NUP188: variants seen among roughly 807,000 people sequenced by gnomAD.
NUP188 encodes nucleoporin NUP188.
NUP188 carries 97 observed loss-of-function variants against 223.0 expected under a neutral mutation model. That is an observed-to-expected ratio of 0.43 (90% confidence interval 0.37 to 0.51). NUP188 has a LOEUF of 0.51. Among genes scored for constraint, NUP188 ranks in the 20% least tolerant of loss-of-function variants. The probability of loss-of-function intolerance (pLI) is 0.00; values close to 1 mark genes in which losing one functional copy is unlikely to be tolerated. For synonymous variants in NUP188, 869 were observed against 828.0 expected (o/e 1.05, Z -0.85); for missense variants, 1,947 against 2,175.6 (o/e 0.89, Z 2.09).
Position 128,995,758 on chromosome 9 carries a change from C to G in NUP188, c.3351+244C>G, listed in dbSNP as rs185007225. Among the ~76,000 whole-genome samples the G allele has an allele frequency of 3.9e-5, 6 of 152,288 alleles. No homozygotes were observed. In the East Asian group the frequency reaches 1.2e-3, roughly 29 times the overall value. On this transcript the variant is annotated intron_variant, in intron 30 of 43. Coordinates refer to ENST00000372577, the MANE Select transcript of NUP188 (RefSeq NM_015354.3). ...ATCCTTTCAGAGTTCCTAAAGCCTCCTGTACCTCCCTTAGGCCTTGGCTGG... is the reference window on the plus strand; with the variant it reads ...ATCCTTTCAGAGTTCCTAAAGCCTCGTGTACCTCCCTTAGGCCTTGGCTGG...
At chr9:128,989,834 A>G (rs1218826919) in intron 24 of NUP188, among the ~76,000 whole-genome samples, 1 of 152,220 alleles carries the variant, frequency 6.6e-6, no homozygotes, top group African/African-American at 2.4e-5. Context: ...TCTGTCTCAA[A>G]AAAAATTAAT....
In NUP188 at chr9:128,963,879, C is replaced by T. The variant is rs924546174; in HGVS notation, c.586-4627C>T. On this transcript the variant is annotated intron_variant, in intron 8 of 43. Coordinates refer to ENST00000372577, the MANE Select transcript of NUP188 (RefSeq NM_015354.3). The stretch of plus-strand genomic sequence containing the variant: ...TCGCCCAGGGTGGAGTGCAGTGGCA[C>T]GATCTTGGCTCACTGCAACCTCTGC... 3.3e-5 allele frequency among the ~76,000 whole-genome samples: 5 copies of T among 151,452 alleles called. No individual in the cohort carries two copies. The Admixed American group carries it at 3.3e-4, about 10-fold the overall frequency.
chr9:129,002,044 C>A (rs1406019891), intron 36 of NUP188, 68 bp downstream of exon 36: 5 of 1,272,362 alleles, frequency 3.9e-6, no homozygotes, highest in Non-Finnish European at 4.6e-6. Flanking sequence ...AAAGTGTCCT[C>A]CCCTACCTTT....
chr9:128,967,662 C>A (rs540382927), intron 8 of NUP188, among the ~76,000 whole-genome samples: 1 of 151,832 alleles, frequency 6.6e-6, no homozygotes, highest in African/African-American at 2.4e-5. Flanking sequence ...TGGTGGCAGG[C>A]GCCTGTAATC....
At chr9:128,968,129 G>C (rs1195140243) in intron 8 of NUP188, among the ~76,000 whole-genome samples, 2 of 152,158 alleles carry the variant, frequency 1.3e-5, no homozygotes, top group East Asian at 3.9e-4. Flanking sequence ...AGCTGGGCAT[G>C]TTTGTGCTCA....
At chr9:128,977,722 C>T (rs1166450394) in intron 12 of NUP188, among the ~76,000 whole-genome samples, 2 of 151,884 alleles carry the variant, frequency 1.3e-5, no homozygotes, top group Non-Finnish European at 2.9e-5. Flanking sequence ...TTGCTTAAAC[C>T]GGGGAGGCGG....
intron 3 of NUP188, 177 bp downstream of exon 3, chr9:128,953,023 A>G: frequency 1.8e-6 from 1 of 541,620 alleles, no homozygotes; most frequent in South Asian, 2.2e-5. Flanking sequence ...ACCGAAAGAA[A>G]AGGAAATTCC....
intron 38 of NUP188, chr9:129,003,985 A>G: frequency 4.7e-6 from 1 of 210,888 alleles, no homozygotes. Context: ...AAAGAAAAAA[A>G]AAAAAAAATG....
In NUP188 at chr9:128,999,035, T is replaced by C. The variant is rs1406095858; in HGVS notation, c.3516-137T>C. ...CCATGCCTAATTTTTGTATTTTTAG[T>C]AGAGACAGGGTTTCACCATGTTGGC... is the stretch of plus-strand genomic sequence containing the variant. On this transcript the variant is annotated intron_variant, in intron 32 of 43. Coordinates refer to ENST00000372577, the MANE Select transcript of NUP188 (RefSeq NM_015354.3). 4.7e-6 allele frequency: 3 copies of C among 642,440 alleles called. No individual in the cohort carries two copies. The East Asian group carries it at 8.6e-5, about 18-fold the overall frequency. The allele number at this position is 642,440 out of a possible 1,614,324, so 39.8% of individuals were successfully genotyped here.
At chr9:128,954,658 A>T (rs1340534797) in intron 3 of NUP188, among the ~76,000 whole-genome samples, 1 of 152,058 alleles carries the variant, frequency 6.6e-6, no homozygotes, top group African/African-American at 2.4e-5. Flanking sequence ...TGCTGGGATT[A>T]CAGGCGTGAG....
intron 15 of NUP188, among the ~76,000 whole-genome samples, chr9:128,981,789 TGTC>T (rs1588281452): frequency 6.6e-6 from 1 of 152,176 alleles, no homozygotes; most frequent in Admixed American, 6.5e-5. Context: ...AAGAGTCACT[TGTC>T]GGCCAGGTGT....
intron 25 of NUP188, among the ~76,000 whole-genome samples, chr9:128,992,174 G>A (rs1842445737): frequency 6.6e-6 from 1 of 151,908 alleles, no homozygotes; most frequent in South Asian, 2.1e-4. Flanking sequence ...GGGATTACAG[G>A]CATGAGCCAC....
chr9:128,960,678 A>C (rs1238004699), intron 8 of NUP188, among the ~76,000 whole-genome samples: 2 of 152,226 alleles, frequency 1.3e-5, no homozygotes, highest in Non-Finnish European at 2.9e-5. Flanking sequence ...GGCTGGGCAC[A>C]GTGGCTCATG....
intron 8 of NUP188, among the ~76,000 whole-genome samples, chr9:128,960,960 C>A (rs1332007783): frequency 6.6e-6 from 1 of 151,818 alleles, no homozygotes; most frequent in Non-Finnish European, 1.5e-5. Flanking sequence ...TGGCACCCAT[C>A]TGTAGTCTCA....
Position 128,968,543 on chromosome 9 carries a change from T to G in NUP188, c.623T>G (p.Leu208Arg). 6.2e-7 allele frequency: 1 copy of G among 1,614,224 alleles called. No homozygotes were observed. Among genetic ancestry groups the G allele is most frequent in the Non-Finnish European group, 8.5e-7 (1 of 1,180,040 alleles). Residue 208 changes from leucine (L) to arginine (R), a missense_variant, in exon 9 of 44, where the codon CTT becomes CGT. Transcript: ENST00000372577. ...GTGTCTCGCTGGTTTGTTCAGTGCC[T>G]TCGGGAACAGTCCATGCTGCTAGAA... ...RQVSRWFVQCLREQSMLLEII... is the reference protein window; with the variant it reads ...RQVSRWFVQCRREQSMLLEII...
At chr9:128,949,368 T>G in intron 2 of NUP188, 125 bp downstream of exon 2, 1 of 677,624 alleles carries the variant, frequency 1.5e-6, no homozygotes, top group East Asian at 3.1e-5. Flanking sequence ...GTTTCGCTCT[T>G]GTTTCCCAGG....
intron 8 of NUP188, among the ~76,000 whole-genome samples, chr9:128,967,608 A>G (rs2131152429): frequency 6.6e-6 from 1 of 151,986 alleles, no homozygotes; most frequent in South Asian, 2.1e-4. Flanking sequence ...TGGCCAACAT[A>G]GTGAAACCCT....
chr9:128,973,756 A>C (rs535995485), intron 12 of NUP188, among the ~76,000 whole-genome samples: 16 of 152,320 alleles, frequency 1.1e-4, no homozygotes, highest in African/African-American at 3.8e-4. Context: ...AAAAAGAAAA[A>C]AGTATAGTCC....
Position 128,980,566 on chromosome 9 carries a change from G to A in NUP188, c.1270-40G>A, listed in dbSNP as rs1207038431. 6 of 1,572,142 alleles carry A rather than the reference G, an allele frequency of 3.8e-6. No individual in the cohort carries two copies. The South Asian group carries it at 7.1e-5, about 18-fold the overall frequency. ...AAATTTGGAGAGATGTTAATTTGTG[G>A]ATAATGTGAAGATCAGTGATTTGTC... On this transcript the variant is annotated intron_variant, in intron 13 of 43. Coordinates refer to ENST00000372577, the MANE Select transcript of NUP188 (RefSeq NM_015354.3).
Sources: gnomAD v4.1 joint callset for allele counts (sites outside exome capture counted in the v4.1 genomes callset) on GRCh38, gnomAD v4.1.1 for gene constraint, MANE v1.5 for transcripts, NCBI Gene and HGNC (gene_info 2026-07-23, HGNC 2026-07-21) for gene names.